The following METTL16 variants were observed in gnomAD, a reference collection of about 807,000 sequenced individuals.
METTL16 encodes RNA N(6)-adenosine-methyltransferase METTL16.
A neutral mutation model predicts 57.9 loss-of-function variants in METTL16; 19 were observed. The observed-to-expected ratio is 0.33, with a 90% CI of 0.23 to 0.48. The LOEUF (loss-of-function observed/expected upper bound fraction) is 0.48, where lower values mean the gene tolerates loss of function less well. Among genes scored for constraint, METTL16 ranks in the 20% least tolerant of loss-of-function variants. METTL16 has a pLI of 0.99. For synonymous variants in METTL16, 246 were observed against 255.6 expected (o/e 0.96, Z 0.36); for missense variants, 434 against 691.5 (o/e 0.63, Z 4.18).
intron 2 of METTL16, among the ~76,000 whole-genome samples, chr17:2,481,442 A>G (rs1376411981): frequency 1.3e-5 from 2 of 152,150 alleles, no homozygotes; most frequent in African/African-American, 4.8e-5. Context: ...CGATACAGAG[A>G]AGAAGAGAAA....
chr17:2,469,515 T>C (rs938573675), intron 4 of METTL16, among the ~76,000 whole-genome samples: 1 of 152,198 alleles, frequency 6.6e-6, no homozygotes, highest in African/African-American at 2.4e-5. Context: ...AGCACAGTTC[T>C]ATGTACTGAA....
chr17:2,507,160 G>A (rs2067546579), intron 1 of METTL16, among the ~76,000 whole-genome samples: 1 of 150,514 alleles, frequency 6.6e-6, no homozygotes, highest in East Asian at 2.0e-4. Flanking sequence ...GAAGTGAGGA[G>A]CCCCTCTGCC....
At chr17:2,424,107 ATTTTATTATTTTATT>A in intron 8 of METTL16, 1 of 42,894 alleles carries the variant, frequency 2.3e-5, no homozygotes, top group Non-Finnish European at 4.4e-5. Context: ...ATTTTATTTT[ATTTTATTATTTTATT>A]TTTTTTTTTG....
At chr17:2,486,793 T>TG (rs1226281398) in intron 2 of METTL16, among the ~76,000 whole-genome samples, 3 of 151,566 alleles carry the variant, frequency 2.0e-5, no homozygotes, top group Non-Finnish European at 2.9e-5. Context: ...GGTAGCATGG[T>TG]GAAACCCTAT....
intron 8 of METTL16, among the ~76,000 whole-genome samples, chr17:2,432,919 C>T (rs533065399): frequency 6.6e-6 from 1 of 152,280 alleles, no homozygotes; most frequent in African/African-American, 2.4e-5. Flanking sequence ...TGAAGTTTAG[C>T]GAAGTTAAGT....
intron 8 of METTL16, among the ~76,000 whole-genome samples, chr17:2,423,780 A>G (rs1004595911): frequency 5.3e-5 from 8 of 152,190 alleles, no homozygotes; most frequent in African/African-American, 1.9e-4. Flanking sequence ...GCTGTTTCTC[A>G]TTATGCTAAA....
chr17:2,507,189 G>C (rs1375957746), intron 1 of METTL16, among the ~76,000 whole-genome samples: 6 of 145,996 alleles, frequency 4.1e-5, no homozygotes, highest in African/African-American at 1.5e-4. Flanking sequence ...CGCCCCGTCC[G>C]GGAAGGAGGT....
chr17:2,502,209 T>C lies in METTL16; in HGVS notation c.123A>G (p.Arg41=). The change falls in exon 2 of 10, where the codon AGA becomes AGG. Residue 41 remains arginine (R), a synonymous_variant. Transcript: ENST00000263092. The part of the protein sequence containing the change: ...KQHVQINLNG[R]VSLNFKDPEA... ...ATTTTTCATCCGTTACCTACCTCAC[T>C]CTTCCATTCAGATTTATCTGAACAT... 6.2e-7 allele frequency: 1 copy of C among 1,613,418 alleles called. No individual in the cohort carries two copies. The highest frequency in any genetic ancestry group is 1.3e-5 in the African/African-American group (1 of 75,044).
chr17:2,476,801 C>T (rs1333386195), intron 3 of METTL16, among the ~76,000 whole-genome samples: 3 of 151,836 alleles, frequency 2.0e-5, no homozygotes, highest in African/African-American at 4.8e-5. Context: ...ACTAAAAATA[C>T]AAAAATTAGC....
At chr17:2,434,264 C>T (rs1175210865) in intron 8 of METTL16, among the ~76,000 whole-genome samples, 1 of 152,148 alleles carries the variant, frequency 6.6e-6, no homozygotes, top group Admixed American at 6.6e-5. Flanking sequence ...AACGGCGTGA[C>T]CTCGGCTCAC....
chr17:2,451,919 G>A (rs967005349), intron 6 of METTL16, among the ~76,000 whole-genome samples: 6 of 152,076 alleles, frequency 3.9e-5, no homozygotes, highest in African/African-American at 1.4e-4. Flanking sequence ...GCCGAGGCAG[G>A]TGGATCACTT....
chr17:2,433,055 C>T (rs2066885280), intron 8 of METTL16, among the ~76,000 whole-genome samples: 1 of 152,066 alleles, frequency 6.6e-6, no homozygotes, highest in Non-Finnish European at 1.5e-5. Flanking sequence ...AAGTATGCCA[C>T]AAGGAAGTTT....
chr17:2,475,956 G>C (rs1473936588), intron 3 of METTL16, among the ~76,000 whole-genome samples: 1 of 152,208 alleles, frequency 6.6e-6, no homozygotes, highest in East Asian at 1.9e-4. Flanking sequence ...AACTAGCTGA[G>C]AAGCAGAAGA....
At chr17:2,472,086 C>A (rs1172739731) in intron 4 of METTL16, among the ~76,000 whole-genome samples, 1 of 151,226 alleles carries the variant, frequency 6.6e-6, no homozygotes. Context: ...TGCATTCCAG[C>A]CTGGGGAACA....
chr17:2,449,099 A>C (rs2067049284), intron 6 of METTL16, among the ~76,000 whole-genome samples: 1 of 152,228 alleles, frequency 6.6e-6, no homozygotes, highest in South Asian at 2.1e-4. Context: ...CCTAACTAGA[A>C]ATTAAAATTT....
intron 1 of METTL16, among the ~76,000 whole-genome samples, chr17:2,503,503 C>T (rs1012969437): frequency 2.0e-5 from 3 of 148,550 alleles, no homozygotes; most frequent in Admixed American, 6.7e-5. Context: ...TATCCATACA[C>T]TAAATATGGG....
chr17:2,420,191 G>T lies in METTL16; in HGVS notation c.1468C>A (p.Gln490Lys). 6.2e-7 allele frequency: 1 copy of T among 1,614,208 alleles called. No homozygotes were observed. The highest frequency in any genetic ancestry group is 8.5e-7 in the Non-Finnish European group (1 of 1,180,030). ...CQGSSNGAQDQEASEQFGSPV... is the reference protein window; with the variant it reads ...CQGSSNGAQDKEASEQFGSPV... ...CTGCCGAACTGCTCAGAAGCCTCTT[G>T]GTCCTGGGCTCCGTTGCTAGAGCCT... Residue 490 changes from glutamine to lysine, a missense_variant, in exon 10 of 10, where the codon CAA becomes AAA. By Grantham distance (53) the Gln-to-Lys change is moderately conservative. Transcript: ENST00000263092. This position sits in a 1 kb window ranked among gnomAD's most constrained non-coding sequence, Gnocchi z 5.4.
chr17:2,474,600 G>C (rs2067257311), intron 3 of METTL16, among the ~76,000 whole-genome samples: 1 of 152,078 alleles, frequency 6.6e-6, no homozygotes. Flanking sequence ...AGAACCGCTA[G>C]CCCTGGACTG....
intron 2 of METTL16, among the ~76,000 whole-genome samples, chr17:2,498,002 G>C (rs1369989458): frequency 1.3e-5 from 2 of 151,578 alleles, no homozygotes; most frequent in Non-Finnish European, 1.5e-5. Flanking sequence ...AGACCATCGT[G>C]GCTAACACGG....
Sources: allele counts gnomAD v4.1 joint callset (sites outside exome capture counted in the v4.1 genomes callset), GRCh38; gene constraint gnomAD v4.1.1; non-coding constraint Gnocchi (gnomAD v3.1); transcripts MANE v1.5; gene names NCBI Gene and HGNC (gene_info 2026-07-23, HGNC 2026-07-21).